Variants in SPAG16 observed in about 807,000 individuals in gnomAD.
SPAG16 encodes the protein sperm associated antigen 16.
SPAG16 carries 86 observed loss-of-function variants against 80.4 expected under a neutral mutation model. The ratio of observed to expected loss-of-function variants is 1.07; its 90% CI spans 0.90 to 1.28. The LOEUF is 1.28. SPAG16 is among the 50% of genes most tolerant of loss of function. SPAG16 has a pLI of 0.00. For missense variants in SPAG16, 870 were observed against 765.3 expected, an observed-to-expected ratio of 1.14 and a Z score of -1.61; for synonymous variants, 294 against 265.9, an observed-to-expected ratio of 1.11 and a Z score of -1.03.
intron 10 of SPAG16, among the ~76,000 whole-genome samples, chr2:213,789,359 A>G (rs2070545190): frequency 6.6e-6 from 1 of 151,890 alleles, no homozygotes; most frequent in Non-Finnish European, 1.5e-5. Flanking sequence ...TTTATCATTG[A>G]GATTTTCCAA....
chr2:213,738,954 AT>A (rs2067419792), intron 10 of SPAG16, among the ~76,000 whole-genome samples: 2 of 152,176 alleles, frequency 1.3e-5, no homozygotes, highest in South Asian at 4.1e-4. Context: ...TTCTGCTCAT[AT>A]TGATCTTGAT....
intron 15 of SPAG16, among the ~76,000 whole-genome samples, chr2:214,175,563 C>G (rs535806398): frequency 3.8e-4 from 58 of 151,038 alleles, no homozygotes; most frequent in African/African-American, 1.3e-3. Context: ...GATTGACAGT[C>G]CTCTAAGATT....
At chr2:213,913,204 G>T (rs2077758244) in intron 11 of SPAG16, among the ~76,000 whole-genome samples, 1 of 151,792 alleles carries the variant, frequency 6.6e-6, no homozygotes, top group African/African-American at 2.4e-5. Flanking sequence ...ATTGTTATGT[G>T]CAGCTGTAGT....
chr2:214,105,174 C>A (rs13387629), intron 13 of SPAG16, among the ~76,000 whole-genome samples: 1 of 151,920 alleles, frequency 6.6e-6, no homozygotes, highest in Non-Finnish European at 1.5e-5. Flanking sequence ...CAGAGCCATG[C>A]GGAGAATGAA....
intron 15 of SPAG16, among the ~76,000 whole-genome samples, chr2:214,242,132 G>T (rs886469606): frequency 2.0e-5 from 3 of 152,140 alleles, no homozygotes; most frequent in African/African-American, 7.2e-5. Flanking sequence ...AAGGTCACAG[G>T]TCTAATTCTT....
intron 13 of SPAG16, among the ~76,000 whole-genome samples, chr2:214,073,053 A>G (rs991996336): frequency 3.3e-5 from 5 of 152,124 alleles, no homozygotes; most frequent in Non-Finnish European, 7.4e-5. Flanking sequence ...TGAATATAAG[A>G]TCAACATGAA....
At chr2:213,302,268 C>T (rs547982437) in intron 3 of SPAG16, among the ~76,000 whole-genome samples, 3 of 152,026 alleles carry the variant, frequency 2.0e-5, no homozygotes, top group Admixed American at 2.0e-4. Context: ...TTTTGTTAAC[C>T]TCATAATTAA....
At chr2:213,420,108 ATC>A (rs2069498735) in intron 9 of SPAG16, among the ~76,000 whole-genome samples, 1 of 152,202 alleles carries the variant, frequency 6.6e-6, no homozygotes, top group Non-Finnish European at 1.5e-5. Flanking sequence ...TTTATACTGT[ATC>A]TCAGTTGCAA....
intron 15 of SPAG16, among the ~76,000 whole-genome samples, chr2:214,359,349 T>TA (rs1699025276): frequency 6.6e-6 from 1 of 151,876 alleles, no homozygotes; most frequent in African/African-American, 2.4e-5. Context: ...CCTTACTATA[T>TA]ACAAAATAGG....
chr2:213,591,087 A>G (rs1243919145), intron 10 of SPAG16, among the ~76,000 whole-genome samples: 1 of 152,204 alleles, frequency 6.6e-6, no homozygotes, highest in African/African-American at 2.4e-5. Context: ...AGTGGAAACC[A>G]TTGGGTACAC....
At chr2:213,668,130 G>A (rs1299218706) in intron 10 of SPAG16, among the ~76,000 whole-genome samples, 1 of 151,784 alleles carries the variant, frequency 6.6e-6, no homozygotes, top group Non-Finnish European at 1.5e-5. Context: ...TAGTAGAAAC[G>A]GTTTCACCAT....
chr2:213,752,493 G>C (rs538134648), intron 10 of SPAG16, among the ~76,000 whole-genome samples: 2 of 152,192 alleles, frequency 1.3e-5, no homozygotes, highest in East Asian at 3.9e-4. Context: ...CTTCTAAAAT[G>C]CTTAAGGTTT....
Position 213,658,826 on chromosome 2 carries a change from C to T in SPAG16, c.1070+168736C>T, listed in dbSNP as rs534357033. Among the ~76,000 whole-genome samples the T allele has an allele frequency of 9.2e-5, 14 of 152,282 alleles. No individual in the cohort carries two copies. In the South Asian group the frequency reaches 1.5e-3, roughly 16 times the overall value. On this transcript the variant is annotated intron_variant, in intron 10 of 15. Transcript: ENST00000331683. Reference sequence around the variant, plus strand: ...GGCCAAGGTGGGCGGATCACGAAGTCAGGAGATGAGACCATCCTGGCCAAC... The same window carrying T: ...GGCCAAGGTGGGCGGATCACGAAGTTAGGAGATGAGACCATCCTGGCCAAC...
rs148901638 is a variant in SPAG16, at chr2:214,001,870, C to T, written c.1401-12081C>T. On this transcript the variant is annotated intron_variant, in intron 12 of 15. Transcript: ENST00000331683. ...AAGTAAGAGTTTGTGCGTATTAGTCCGTTTTCATGCTGATGATAAAGACAT... is the reference window on the plus strand; with the variant it reads ...AAGTAAGAGTTTGTGCGTATTAGTCTGTTTTCATGCTGATGATAAAGACAT... 7.4e-4 allele frequency among the ~76,000 whole-genome samples: 112 copies of T among 152,028 alleles called. 1 individual carries two copies. Among genetic ancestry groups the T allele is most frequent in the African/African-American group, 2.6e-3 (109 of 41,464 alleles).
rs571168223 is a variant in SPAG16, at chr2:213,916,032, G to T, written c.1215-13928G>T. Among the ~76,000 whole-genome samples the T allele has an allele frequency of 6.6e-5, 10 of 152,298 alleles. No individual in the cohort carries two copies. In the East Asian group the frequency reaches 1.9e-3, roughly 29 times the overall value. On this transcript the variant is annotated intron_variant, in intron 11 of 15. Coordinates refer to ENST00000331683, the MANE Select transcript of SPAG16 (RefSeq NM_024532.5). ...ATATTAATCCTTTGTCAGATGGATA[G>T]ATTGCAAAAATTTTCTCCCATTCTG...
intron 10 of SPAG16, among the ~76,000 whole-genome samples, chr2:213,499,680 C>T (rs1340574606): frequency 1.3e-5 from 2 of 152,242 alleles, no homozygotes; most frequent in Admixed American, 1.3e-4. Flanking sequence ...CTGGCATTCT[C>T]TGTGCATATA....
chr2:214,258,286 C>G (rs1400050307), intron 15 of SPAG16, among the ~76,000 whole-genome samples: 2 of 151,894 alleles, frequency 1.3e-5, no homozygotes, highest in Admixed American at 6.6e-5. Flanking sequence ...TTATATCATG[C>G]CTTTGCATCC....
intron 3 of SPAG16, among the ~76,000 whole-genome samples, chr2:213,309,272 A>G (rs1488971): frequency 0.26 from 39,923 of 151,912 alleles, 6,081 homozygotes; most frequent in Middle Eastern, 0.45. Context: ...ATATGTAAAC[A>G]AATGGGCATG....
intron 9 of SPAG16, among the ~76,000 whole-genome samples, chr2:213,438,605 A>T (rs557424970): frequency 6.6e-6 from 1 of 152,238 alleles, no homozygotes; most frequent in Non-Finnish European, 1.5e-5. Flanking sequence ...GTAGAGTTCA[A>T]AGATGATCCC....
Sources: allele counts gnomAD v4.1 joint callset (sites outside exome capture counted in the v4.1 genomes callset), GRCh38; gene constraint gnomAD v4.1.1; transcripts MANE v1.5; gene names NCBI Gene and HGNC (gene_info 2026-07-23, HGNC 2026-07-21).